UHRF2: variants seen among roughly 807,000 people sequenced by gnomAD.
UHRF2 encodes the protein E3 ubiquitin-protein ligase UHRF2.
Under a neutral mutation model 96.8 loss-of-function variants are expected in UHRF2, and 23 were observed. That is an observed-to-expected ratio of 0.24 (90% CI 0.17 to 0.34). The LOEUF is 0.34. Among genes scored for constraint, UHRF2 ranks in the 10% least tolerant of loss-of-function variants. The pLI is 1.00. For missense variants in UHRF2, 685 were observed against 981.5 expected, an observed-to-expected ratio of 0.70 and a Z score of 4.04; for synonymous variants, 385 against 332.6, an observed-to-expected ratio of 1.16 and a Z score of -1.72.
intron 1 of UHRF2, among the ~76,000 whole-genome samples, chr9:6,414,364 T>C (rs934911254): frequency 6.6e-6 from 1 of 152,120 alleles, no homozygotes; most frequent in African/African-American, 2.4e-5. Context: ...TGAAAAGGAG[T>C]GTAAGACTGT....
intron 6 of UHRF2, 62 bp from the exon 7 acceptor site, chr9:6,481,581 T>C (rs534516365): frequency 3.8e-6 from 6 of 1,570,734 alleles, no homozygotes; most frequent in Non-Finnish European, 5.2e-6. Context: ...AAGGCTAATA[T>C]TCTGTTACTA....
intron 1 of UHRF2, among the ~76,000 whole-genome samples, chr9:6,417,696 G>A (rs1239276237): frequency 6.6e-6 from 1 of 152,194 alleles, no homozygotes; most frequent in East Asian, 1.9e-4. Flanking sequence ...GCCTGTCATA[G>A]CAAGCATGAG....
At chr9:6,435,737 G>C (rs1435164294) in intron 3 of UHRF2, among the ~76,000 whole-genome samples, 1 of 152,128 alleles carries the variant, frequency 6.6e-6, no homozygotes, top group Non-Finnish European at 1.5e-5. Flanking sequence ...CTCCTGAGTA[G>C]CTGGGGGCTA....
At chr9:6,490,253 A>C (rs752516776) in intron 9 of UHRF2, among the ~76,000 whole-genome samples, 2 of 152,236 alleles carry the variant, frequency 1.3e-5, no homozygotes, top group Non-Finnish European at 2.9e-5. Context: ...TGTGGAGAAG[A>C]TGATTACATT....
At chr9:6,414,348 C>G (rs568352788) in intron 1 of UHRF2, among the ~76,000 whole-genome samples, 31 of 152,266 alleles carry the variant, frequency 2.0e-4, no homozygotes, top group African/African-American at 7.2e-4. Flanking sequence ...AGTTTTATTC[C>G]CGAAGTGAAA....
chr9:6,495,025 T>C (rs2130954425), intron 10 of UHRF2: 1 of 152,246 alleles, frequency 6.6e-6, no homozygotes, highest in Middle Eastern at 3.4e-3. Flanking sequence ...TCAAGAAGAG[T>C]GTCTTAAAAT....
intron 14 of UHRF2, among the ~76,000 whole-genome samples, chr9:6,503,650 GT>G (rs200537753): frequency 6.0e-5 from 9 of 150,774 alleles, no homozygotes; most frequent in Non-Finnish European, 1.0e-4. Flanking sequence ...GTTTCCTAGT[GT>G]TTTTTTTTAA....
intron 12 of UHRF2, chr9:6,499,593 C>A: frequency 3.9e-6 from 1 of 257,776 alleles, no homozygotes; most frequent in Non-Finnish European, 7.5e-6. Flanking sequence ...AGATCTGAAA[C>A]TTAAGATCAG....
intron 3 of UHRF2, among the ~76,000 whole-genome samples, chr9:6,437,405 G>C (rs1030891318): frequency 6.6e-6 from 1 of 152,002 alleles, no homozygotes; most frequent in African/African-American, 2.4e-5. Context: ...GCTAACTTTT[G>C]TATCTTTAGT....
rs567928325 is a variant in UHRF2 at position 6,502,534 on chromosome 9, C to A, written c.2163+1825C>A. On this transcript the variant is annotated intron_variant, in intron 14 of 15. Coordinates refer to ENST00000276893, the MANE Select transcript of UHRF2 (RefSeq NM_152896.3). ...AACACCTGGGCTCAGGCAATCCTCC[C>A]GCTTCAGCCTCCTAAGTAGCTGGGT... Among the ~76,000 whole-genome samples the A allele has an allele frequency of 9.8e-5, 15 of 152,294 alleles. No individual in the cohort carries two copies. The East Asian group carries it at 2.7e-3, about 27-fold the overall frequency.
chr9:6,428,068 G>T (rs561187373), intron 2 of UHRF2, among the ~76,000 whole-genome samples: 2 of 152,176 alleles, frequency 1.3e-5, no homozygotes, highest in African/African-American at 4.8e-5. Context: ...AATGATGATG[G>T]TAAGCCTTTA....
At chr9:6,414,092 T>A (rs1819449742) in intron 1 of UHRF2, 1 of 154,246 alleles carries the variant, frequency 6.5e-6, no homozygotes, top group African/African-American at 2.4e-5. Flanking sequence ...CTCTTCCGCG[T>A]CTTCGGCTCT....
chr9:6,505,230 T>G (rs1816519850), intron 15 of UHRF2, among the ~76,000 whole-genome samples: 1 of 152,144 alleles, frequency 6.6e-6, no homozygotes, highest in African/African-American at 2.4e-5. Context: ...GTGCCTGATC[T>G]TGAGTTAACT....
At chr9:6,502,027 T>G (rs1251899137) in intron 14 of UHRF2, among the ~76,000 whole-genome samples, 1 of 152,198 alleles carries the variant, frequency 6.6e-6, no homozygotes, top group Non-Finnish European at 1.5e-5. Flanking sequence ...AGTGATTACT[T>G]TGGATGTTAT....
chr9:6,443,231 A>G (rs1821285772), intron 3 of UHRF2, among the ~76,000 whole-genome samples: 1 of 152,222 alleles, frequency 6.6e-6, no homozygotes, highest in Non-Finnish European at 1.5e-5. Context: ...TGAAGCCCAA[A>G]TTAAAGTAGC....
chr9:6,460,906 A>G (rs1822499053), intron 4 of UHRF2, 115 bp downstream of exon 4: 1 of 755,014 alleles, frequency 1.3e-6, no homozygotes, highest in Admixed American at 3.7e-5. Flanking sequence ...AAAGATGGAA[A>G]TTTCCATACT....
At chr9:6,423,521 G>A (rs576582868) in intron 2 of UHRF2, among the ~76,000 whole-genome samples, 1 of 151,980 alleles carries the variant, frequency 6.6e-6, no homozygotes, top group African/African-American at 2.4e-5. Context: ...AGGATGTGGG[G>A]ACAGTTCATT....
intron 5 of UHRF2, among the ~76,000 whole-genome samples, chr9:6,475,851 C>T (rs1401357077): frequency 6.6e-6 from 1 of 152,118 alleles, no homozygotes; most frequent in African/African-American, 2.4e-5. Flanking sequence ...ATATTCATCA[C>T]CTCAAACATT....
chr9:6,428,198 A>G (rs970027533), intron 2 of UHRF2, among the ~76,000 whole-genome samples: 4 of 152,224 alleles, frequency 2.6e-5, no homozygotes, highest in African/African-American at 9.6e-5. Flanking sequence ...TCTTTTGTCC[A>G]CAGTACAGTT....
Sources: gnomAD v4.1 joint callset for allele counts (sites outside exome capture counted in the v4.1 genomes callset) on GRCh38, gnomAD v4.1.1 for gene constraint, MANE v1.5 for transcripts, NCBI Gene and HGNC (gene_info 2026-07-23, HGNC 2026-07-21) for gene names.